Variants in NDE1 observed in about 807,000 individuals in gnomAD.
NDE1 encodes the protein nuclear distribution protein nudE homolog 1.
In NDE1, 28 loss-of-function variants were observed where a neutral mutation model predicts 43.4. The observed-to-expected ratio is 0.65, with a 90% CI of 0.48 to 0.89. NDE1 has a LOEUF of 0.89. NDE1 is among the 40% of genes least tolerant of loss of function. The probability of loss-of-function intolerance (pLI) is 0.00; values close to 1 mark genes in which losing one functional copy is unlikely to be tolerated. For synonymous variants in NDE1, 184 were observed against 172.0 expected, an observed-to-expected ratio of 1.07 and a Z score of -0.55; for missense variants, 441 against 434.1, an observed-to-expected ratio of 1.02 and a Z score of -0.14.
upstream of NDE1, among the ~76,000 whole-genome samples, chr16:15,649,848 G>GA (rs1478027294): frequency 6.6e-6 from 1 of 152,240 alleles, no homozygotes; most frequent in East Asian, 1.9e-4. Flanking sequence ...CAGTGGGCCT[G>GA]AATCTTTGTC....
At position 15,696,661 on chromosome 16, in the gene NDE1, A is replaced by AGCCT. The variant is rs2039027401; in HGVS notation, c.796-48_796-47insGCCT. 3 of 1,613,918 alleles carry AGCCT rather than the reference A, an allele frequency of 1.9e-6. No individual in the cohort carries two copies. The East Asian group carries it at 6.7e-5, about 36-fold the overall frequency. ...TTCTGTACAGGCTCTGGTAAGACAG[A>AGCCT]ATAGTCCTTGCCTATAACTTGAGAG... On this transcript the variant is annotated intron_variant, in intron 7 of 8. Transcript: ENST00000396354.
At chr16:15,718,078 C>T in intron 8 of NDE1, 1 of 630,710 alleles carries the variant, frequency 1.6e-6, no homozygotes, top group Non-Finnish European at 2.7e-6. Context: ...GTACGGGGAG[C>T]CAGCCACGCC....
At chr16:15,698,166 T>C (rs1429959986) in intron 8 of NDE1, among the ~76,000 whole-genome samples, 1 of 152,116 alleles carries the variant, frequency 6.6e-6, no homozygotes, top group Non-Finnish European at 1.5e-5. Flanking sequence ...GCCCAGACTA[T>C]GTTCCTGAAA....
intron 4 of NDE1, among the ~76,000 whole-genome samples, chr16:15,680,389 G>A (rs2038114543): frequency 6.6e-6 from 1 of 152,140 alleles, no homozygotes; most frequent in African/African-American, 2.4e-5. Flanking sequence ...GTTTTTCTAA[G>A]CGTTGTTTTC....
At chr16:15,652,140 T>C (rs185178443) in intron 1 of NDE1, 51 of 152,272 alleles carry the variant, frequency 3.3e-4, no homozygotes, top group African/African-American at 1.2e-3. Context: ...CCTCGTGATC[T>C]GCCCACCTCA....
intron 6 of NDE1, among the ~76,000 whole-genome samples, chr16:15,692,610 A>G (rs1284372364): frequency 6.6e-6 from 1 of 151,754 alleles, no homozygotes. Context: ...GGGTTTCACC[A>G]TGTTGGCCGG....
At chr16:15,698,946 G>A (rs2039126977) in intron 8 of NDE1, among the ~76,000 whole-genome samples, 1 of 151,968 alleles carries the variant, frequency 6.6e-6, no homozygotes, top group African/African-American at 2.4e-5. Flanking sequence ...GTGCAGTGGT[G>A]CGACCATAGC....
intron 8 of NDE1, among the ~76,000 whole-genome samples, chr16:15,699,325 T>C (rs2039143902): frequency 6.8e-6 from 1 of 146,688 alleles, no homozygotes; most frequent in Admixed American, 6.8e-5. Context: ...GGTGGTGTGA[T>C]CTCGGCTCAC....
At chr16:15,683,745 A>C (rs2038297686) in intron 4 of NDE1, among the ~76,000 whole-genome samples, 1 of 152,208 alleles carries the variant, frequency 6.6e-6, no homozygotes. Context: ...ACGCTAGGTG[A>C]GATAGCTCAT....
At chr16:15,716,916 G>T (rs2040181693) in intron 8 of NDE1, among the ~76,000 whole-genome samples, 1 of 152,226 alleles carries the variant, frequency 6.6e-6, no homozygotes. Context: ...CCATGGAGAT[G>T]CTAAGAGCAG....
At chr16:15,699,500 A>C in intron 8 of NDE1, 3 of 1,123,774 alleles carry the variant, frequency 2.7e-6, no homozygotes, top group Non-Finnish European at 3.3e-6. Context: ...AACAATAGGT[A>C]AGAGATGGAT....
chr16:15,705,898 T>A (rs2151164403), intron 8 of NDE1, among the ~76,000 whole-genome samples: 2 of 141,340 alleles, frequency 1.4e-5, no homozygotes, highest in African/African-American at 5.3e-5. Context: ...GGCAGGAGAA[T>A]GACATGAACC....
intron 1 of NDE1, among the ~76,000 whole-genome samples, chr16:15,652,520 C>T (rs2036553208): frequency 6.6e-6 from 1 of 152,170 alleles, no homozygotes; most frequent in Non-Finnish European, 1.5e-5. Flanking sequence ...TTCAGCAGTG[C>T]CCAGCACTTA....
At chr16:15,669,127 C>T (rs1404553682) in intron 3 of NDE1, among the ~76,000 whole-genome samples, 2 of 151,294 alleles carry the variant, frequency 1.3e-5, no homozygotes, top group Non-Finnish European at 2.9e-5. Context: ...GTCTTGATCT[C>T]CTGACCTCAG....
rs538145374 is a variant in NDE1 at position 15,719,302 on chromosome 16, C to T, written c.948-4889C>T. On this transcript the variant is annotated intron_variant, in intron 8 of 8. Transcript: ENST00000396354. ...TGTTTGCGAGCCCTCTCAGCGGCGG[C>T]GAGGTCCTAGGTGGGAGGGAGGAAG... 47 of 1,611,110 alleles carry T rather than the reference C, an allele frequency of 2.9e-5. No individual in the cohort carries two copies. The highest frequency in any genetic ancestry group is 6.7e-5 in the East Asian group (3 of 44,876).
chr16:15,689,817 G>A (rs1363254295), intron 5 of NDE1, among the ~76,000 whole-genome samples: 1 of 151,090 alleles, frequency 6.6e-6, no homozygotes, highest in Admixed American at 6.6e-5. Context: ...GTGCGTGCCT[G>A]TAATCCCAGC....
At chr16:15,680,884 T>C (rs79366498) in intron 4 of NDE1, among the ~76,000 whole-genome samples, 7 of 152,144 alleles carry the variant, frequency 4.6e-5, no homozygotes, top group Non-Finnish European at 8.8e-5. Flanking sequence ...TTGAAAATAA[T>C]TTTTTCCGTG....
At chr16:15,667,630 T>TG (rs1555538021) in intron 3 of NDE1, among the ~76,000 whole-genome samples, 191 bp downstream of exon 3, 4 of 142,810 alleles carry the variant, frequency 2.8e-5, no homozygotes, top group Non-Finnish European at 6.1e-5. Context: ...GCTTTTTGTT[T>TG]TGTTTTTTTT....
At chr16:15,690,100 G>A (rs2038656155) in intron 5 of NDE1, among the ~76,000 whole-genome samples, 1 of 151,962 alleles carries the variant, frequency 6.6e-6, no homozygotes, top group Admixed American at 6.6e-5. Flanking sequence ...GAGTGCAGTG[G>A]CGTGATCTCA....
Sources: allele counts gnomAD v4.1 joint callset (sites outside exome capture counted in the v4.1 genomes callset), GRCh38; gene constraint gnomAD v4.1.1; transcripts MANE v1.5; gene names NCBI Gene and HGNC (gene_info 2026-07-23, HGNC 2026-07-21).